Variants in YME1L1 observed in about 807,000 individuals in gnomAD.
YME1L1 encodes YME1 like 1 ATPase.
In YME1L1, 39 loss-of-function variants were observed where a neutral mutation model predicts 90.4. The ratio of observed to expected loss-of-function variants is 0.43; its 90% CI spans 0.33 to 0.56. The LOEUF is 0.56. Ranked by LOEUF, YME1L1 falls within the 20% of genes least tolerant of loss-of-function variation. The pLI is 0.03. For synonymous variants in YME1L1, 284 were observed against 287.3 expected, an observed-to-expected ratio of 0.99 and a Z score of 0.12; for missense variants, 617 against 868.4, an observed-to-expected ratio of 0.71 and a Z score of 3.64.
intron 5 of YME1L1, among the ~76,000 whole-genome samples, chr10:27,135,374 GATAA>G (rs1203461994): frequency 6.6e-6 from 1 of 152,092 alleles, no homozygotes; most frequent in Non-Finnish European, 1.5e-5. Context: ...AAGATGTAAA[GATAA>G]ATAAACCACT....
intron 17 of YME1L1, among the ~76,000 whole-genome samples, chr10:27,115,557 C>G (rs1232516522): frequency 6.6e-6 from 1 of 152,048 alleles, no homozygotes; most frequent in Non-Finnish European, 1.5e-5. Flanking sequence ...TCAAGCAATA[C>G]AGTCTCCTCA....
chr10:27,145,494 T>C lies in YME1L1; in HGVS notation c.265A>G (p.Lys89Glu). Residue 89 changes from lysine to glutamate, a missense_variant, in exon 3 of 19, where the codon AAA (lysine) becomes GAA (glutamate). Physicochemically the swap from Lys to Glu is moderately conservative, Grantham distance 56. Coordinates refer to ENST00000376016, the MANE Select transcript of YME1L1 (RefSeq NM_014263.4). ...ENLLPGFCKG[K>E]NISSHWHTSH... Reference sequence around the variant, plus strand: ...GTATGCCAATGGGAAGAAATGTTTTTGCCTTTACAAAATCCAGGAAGTAGA... The same window carrying C: ...GTATGCCAATGGGAAGAAATGTTTTCGCCTTTACAAAATCCAGGAAGTAGA... 6.2e-7 allele frequency: 1 copy of C among 1,613,648 alleles called. No homozygotes were observed. The highest frequency in any genetic ancestry group is 8.5e-7 in the Non-Finnish European group (1 of 1,179,684).
intron 1 of YME1L1, 37 bp downstream of exon 1, chr10:27,154,141 G>A (rs780875498): frequency 2.5e-6 from 4 of 1,570,330 alleles, no homozygotes; most frequent in Middle Eastern, 1.7e-4. Flanking sequence ...CACGGGCAGG[G>A]CGGGAGGAAA....
Position 27,134,093 on chromosome 10 carries a change from A to G in YME1L1, c.721T>C (p.Phe241Leu), listed in dbSNP as rs1230249546. Residue 241 changes from phenylalanine to leucine, a missense_variant, in exon 7 of 19, where the codon TTC (phenylalanine) becomes CTC (leucine). By Grantham distance (22) the Phe-to-Leu change is conservative. Coordinates refer to ENST00000376016, the MANE Select transcript of YME1L1 (RefSeq NM_014263.4). ...DSLRRTRLIL[F>L]VLLLFGIYGL... Reference sequence around the variant, plus strand: ...TAAATGCCGAATAGCAGCAGAACGAAGAGAATCAGACGGGTTCGCCTTAGG... The same window carrying G: ...TAAATGCCGAATAGCAGCAGAACGAGGAGAATCAGACGGGTTCGCCTTAGG... 1.1e-5 allele frequency: 18 copies of G among 1,613,534 alleles called. No individual in the cohort carries two copies. Among genetic ancestry groups the G allele is most frequent in the Non-Finnish European group, 1.4e-5 (17 of 1,179,884 alleles).
chr10:27,114,107 A>G (rs2056788254), intron 18 of YME1L1, among the ~76,000 whole-genome samples: 1 of 152,108 alleles, frequency 6.6e-6, no homozygotes, highest in South Asian at 2.1e-4. Context: ...TCAACAGCTT[A>G]TGGGGTACAA....
intron 2 of YME1L1, chr10:27,147,526 CG>C: frequency 6.2e-7 from 1 of 1,607,832 alleles, no homozygotes; most frequent in African/African-American, 1.4e-5. Context: ...GGGTTCTGGA[CG>C]GATGTGCCAG....
chr10:27,149,711 CAAAAAAAAAAAA>C (rs58900380), intron 1 of YME1L1, among the ~76,000 whole-genome samples: 31 of 32,374 alleles, frequency 9.6e-4, no homozygotes, highest in African/African-American at 2.0e-3. Flanking sequence ...ACCTGTCTCT[CAAAAAAAAAAAA>C]AAAAAAAAAA....
At chr10:27,150,862 C>A (rs1030330556) in intron 1 of YME1L1, among the ~76,000 whole-genome samples, 1 of 152,030 alleles carries the variant, frequency 6.6e-6, no homozygotes, top group African/African-American at 2.4e-5. Context: ...TGGAGTACCC[C>A]ATTCTTTACT....
chr10:27,136,820 G>A (rs1289000410), intron 4 of YME1L1, among the ~76,000 whole-genome samples: 1 of 151,816 alleles, frequency 6.6e-6, no homozygotes, highest in Non-Finnish European at 1.5e-5. Context: ...CCGCCTCCTG[G>A]GTTCAAGCAA....
rs904399994 is a variant in YME1L1 at position 27,110,385 on chromosome 10, G to A, written c.*1592C>T. On this transcript the variant is annotated 3_prime_UTR_variant, in exon 19 of 19. Coordinates refer to ENST00000376016, the MANE Select transcript of YME1L1 (RefSeq NM_014263.4). ...TTAAGATTATCAACCAAAAGGTCAA[G>A]AATATAATGTAACAAGCTTCCTGTA... The A allele has an allele frequency of 2.0e-5, 3 of 152,126 alleles. No homozygotes were observed. Among genetic ancestry groups the A allele is most frequent in the Non-Finnish European group, 4.4e-5 (3 of 68,014 alleles). The allele number at this position is 152,126 out of a possible 1,614,324, so 9.4% of individuals were successfully genotyped here.
rs2057133800 is a variant in YME1L1 at position 27,145,414 on chromosome 10, A to G, written c.331+14T>C. 1 of 1,573,770 alleles carries G rather than the reference A, an allele frequency of 6.4e-7. No homozygotes were observed. Among genetic ancestry groups the G allele is most frequent in the Non-Finnish European group, 8.7e-7 (1 of 1,155,300 alleles). On this transcript the variant is annotated intron_variant, in intron 3 of 18. Transcript: ENST00000376016. ...CTAAAATATTTAATTGGAACAAAAA[A>G]CACATTAACATACCATATTTATTTT...
intron 2 of YME1L1, chr10:27,147,776 T>C (rs2057161912): frequency 6.8e-7 from 1 of 1,460,840 alleles, no homozygotes; most frequent in Non-Finnish European, 9.2e-7. Context: ...AATTGTGCAG[T>C]TTCACCAAAC....
At position 27,121,394 on chromosome 10, in the gene YME1L1, T is replaced by C. The variant is rs1429835125; in HGVS notation, c.1290A>G (p.Ala430=). ...IIIGATNFPE[A]LDNALIRPGR... is the part of the protein sequence containing the mutation. Reference sequence around the variant, plus strand: ...CTTCTTTTAATACTTACTTATCTAATGCCTCTGGGAAGTTTGTGGCTCCTA... The same window carrying C: ...CTTCTTTTAATACTTACTTATCTAACGCCTCTGGGAAGTTTGTGGCTCCTA... The change falls in exon 12 of 19, where the codon GCA becomes GCG. Residue 430 remains alanine (A), a synonymous_variant. Transcript: ENST00000376016. 1.2e-6 allele frequency: 2 copies of C among 1,605,438 alleles called. No homozygotes were observed. The highest frequency in any genetic ancestry group is 1.7e-6 in the Non-Finnish European group (2 of 1,172,338).
Position 27,134,972 on chromosome 10 carries a change from A to G in YME1L1, c.550T>C (p.Leu184=), listed in dbSNP as rs761556105. 3 of 1,612,394 alleles carry G rather than the reference A, an allele frequency of 1.9e-6. No individual in the cohort carries two copies. The highest frequency in any genetic ancestry group is 3.3e-5 in the Admixed American group (2 of 60,010). ...IAPSFVKGFL[L]RDRGSDVESL... Reference sequence around the variant, plus strand: ...TCAACATCTGATCCTCTGTCCCGCAAAAGAAACCCCTGAATACACAAACAA... The same window carrying G: ...TCAACATCTGATCCTCTGTCCCGCAGAAGAAACCCCTGAATACACAAACAA... The change falls in exon 6 of 19, where the codon TTG becomes CTG. Residue 184 remains leucine (L), a synonymous_variant. Transcript: ENST00000376016.
intron 1 of YME1L1, among the ~76,000 whole-genome samples, 156 bp downstream of exon 1, chr10:27,154,022 C>A (rs2057275129): frequency 6.6e-6 from 1 of 152,200 alleles, no homozygotes; most frequent in Non-Finnish European, 1.5e-5. Context: ...CCACTCTCAG[C>A]GTCGTCCCCT....
intron 2 of YME1L1, 182 bp from the exon 3 acceptor site, chr10:27,145,772 T>C (rs1315785762): frequency 4.1e-6 from 2 of 482,238 alleles, no homozygotes; most frequent in East Asian, 3.5e-5. Context: ...AGATCAGTCA[T>C]ATGAGGTTTG....
intron 8 of YME1L1, among the ~76,000 whole-genome samples, chr10:27,129,085 C>CAA (rs71523559): frequency 0.011 from 533 of 48,512 alleles, 29 homozygotes; most frequent in Non-Finnish European, 0.014. Context: ...GACCCTGTCT[C>CAA]AAAAAAAAAA....
intron 11 of YME1L1, 71 bp downstream of exon 11, chr10:27,122,770 A>G (rs1385473188): frequency 2.3e-5 from 37 of 1,578,532 alleles, no homozygotes; most frequent in Non-Finnish European, 2.9e-5. Flanking sequence ...TAATTTGCAT[A>G]AGATCAATTC....
At chr10:27,120,658 G>A in intron 12 of YME1L1, 111 bp from the exon 13 acceptor site, 1 of 727,204 alleles carries the variant, frequency 1.4e-6, no homozygotes, top group Non-Finnish European at 2.3e-6. Flanking sequence ...CCAGAGCGCA[G>A]ATGGAGTTTT....
Sources: gnomAD v4.1 joint callset for allele counts (sites outside exome capture counted in the v4.1 genomes callset) on GRCh38, gnomAD v4.1.1 for gene constraint, MANE v1.5 for transcripts, NCBI Gene and HGNC (gene_info 2026-07-23, HGNC 2026-07-21) for gene names.